Variants in NCAM2 observed in about 807,000 individuals in gnomAD.
NCAM2 encodes the protein neural cell adhesion molecule 2.
NCAM2 carries 30 observed loss-of-function variants against 98.1 expected under a neutral mutation model. That is an observed-to-expected ratio of 0.31 (90% CI 0.23 to 0.41). NCAM2 has a LOEUF of 0.41. Ranked by LOEUF, NCAM2 falls within the 10% of genes least tolerant of loss-of-function variation. The probability of loss-of-function intolerance (pLI) is 1.00; values close to 1 mark genes in which losing one functional copy is unlikely to be tolerated. For missense variants in NCAM2, 867 were observed against 1,005.8 expected (o/e 0.86, Z 1.87); for synonymous variants, 368 against 342.4 (o/e 1.07, Z -0.83).
chr21:21,371,557 A>T (rs893222178), intron 8 of NCAM2, among the ~76,000 whole-genome samples: 1 of 151,608 alleles, frequency 6.6e-6, no homozygotes, highest in African/African-American at 2.4e-5. Context: ...TGCTTCTCTC[A>T]TATCTTTCTT....
chr21:21,486,122 T>C (rs1247910589), intron 15 of NCAM2, among the ~76,000 whole-genome samples: 1 of 151,728 alleles, frequency 6.6e-6, no homozygotes, highest in East Asian at 2.0e-4. Context: ...GCTAACACGG[T>C]AAAACCCCGT....
intron 1 of NCAM2, among the ~76,000 whole-genome samples, chr21:21,243,486 A>C (rs1601745381): frequency 6.6e-6 from 1 of 152,160 alleles, no homozygotes; most frequent in Admixed American, 6.6e-5. Context: ...TGGGCTAACC[A>C]GTTGATGAAA....
intron 1 of NCAM2, among the ~76,000 whole-genome samples, chr21:21,195,175 TG>T (rs1341887850): frequency 6.6e-6 from 1 of 152,192 alleles, no homozygotes; most frequent in African/African-American, 2.4e-5. Flanking sequence ...TGCTATATTT[TG>T]GTAGGAAACA....
In NCAM2 at chr21:21,540,441, C is replaced by A. The variant is rs1414645055; in HGVS notation, c.*2484C>A. On this transcript the variant is annotated 3_prime_UTR_variant, in exon 18 of 18. Transcript: ENST00000400546. ...GGTCCTTACCTCTTGTCCTTGAAAT[C>A]CATGCCATGCTGAAGCAAGGCAATA... 1 of 151,760 alleles carries A rather than the reference C, an allele frequency of 6.6e-6. No individual in the cohort carries two copies. The highest frequency in any genetic ancestry group is 1.9e-4 in the East Asian group (1 of 5,182). 9.4% of individuals were successfully genotyped at this position (151,760 alleles called of 1,614,324 possible). A position where few individuals can be genotyped will look rare whatever the true frequency, so the allele number is the denominator to read the frequency against.
At chr21:21,497,881 CT>C (rs1189804459) in intron 15 of NCAM2, among the ~76,000 whole-genome samples, 1 of 151,856 alleles carries the variant, frequency 6.6e-6, no homozygotes, top group Non-Finnish European at 1.5e-5. Flanking sequence ...AAGCATTAGC[CT>C]TTTTTTATTT....
chr21:21,331,538 C>CTATATATA (rs1568942351), intron 6 of NCAM2, among the ~76,000 whole-genome samples: 43 of 1,514 alleles, frequency 0.028, 18 homozygotes, highest in Non-Finnish European at 0.084. Flanking sequence ...TATATATACT[C>CTATATATA]TATATACATA....
At position 21,426,884 on chromosome 21, in the gene NCAM2, C is replaced by T. The variant is rs902683521; in HGVS notation, c.1481-5224C>T. On this transcript the variant is annotated intron_variant, in intron 11 of 17. Transcript: ENST00000400546. ...TTAGCCTGCAATTTCTTATGATAAA[C>T]AGGAGTGTCTTAAATCGTATAATTT... 1.4e-4 allele frequency among the ~76,000 whole-genome samples: 21 copies of T among 152,166 alleles called. 2 individuals carry two copies. The highest frequency in any genetic ancestry group is 1.3e-3 in the Admixed American group (20 of 15,272).
At chr21:21,111,533 C>T (rs2066453930) in intron 1 of NCAM2, among the ~76,000 whole-genome samples, 1 of 152,048 alleles carries the variant, frequency 6.6e-6, no homozygotes, top group South Asian at 2.1e-4. Context: ...AAGCCGAATG[C>T]AGGCAGTGCA....
intron 15 of NCAM2, among the ~76,000 whole-genome samples, chr21:21,507,233 G>T (rs1988037972): frequency 6.6e-6 from 1 of 152,064 alleles, no homozygotes; most frequent in African/African-American, 2.4e-5. Flanking sequence ...CAGTTGTTCT[G>T]ATTCCTTTGG....
At chr21:21,330,695 C>G (rs1258614663) in intron 6 of NCAM2, among the ~76,000 whole-genome samples, 1 of 151,692 alleles carries the variant, frequency 6.6e-6, no homozygotes, top group Non-Finnish European at 1.5e-5. Flanking sequence ...TCAGTTCTCT[C>G]TGTTTTGCTT....
intron 8 of NCAM2, among the ~76,000 whole-genome samples, chr21:21,354,442 G>T (rs2075418075): frequency 6.6e-6 from 1 of 152,022 alleles, no homozygotes; most frequent in African/African-American, 2.4e-5. Context: ...GTACCCAAAT[G>T]ATCAGTGAAA....
chr21:21,421,100 C>T (rs1303964887), intron 11 of NCAM2, among the ~76,000 whole-genome samples: 6 of 151,438 alleles, frequency 4.0e-5, no homozygotes, highest in Non-Finnish European at 7.4e-5. Context: ...ATGTGTTTTT[C>T]GATTAGGTAC....
chr21:21,455,617 AT>A (rs573556564), intron 12 of NCAM2, among the ~76,000 whole-genome samples: 1 of 152,204 alleles, frequency 6.6e-6, no homozygotes, highest in Non-Finnish European at 1.5e-5. Context: ...CATTAGAAAA[AT>A]ATAATGCAAT....
intron 1 of NCAM2, among the ~76,000 whole-genome samples, chr21:21,099,181 A>G (rs899222671): frequency 6.6e-6 from 1 of 151,896 alleles, no homozygotes; most frequent in Non-Finnish European, 1.5e-5. Context: ...AGGATCAATA[A>G]TCAGTTTTAG....
Position 21,542,022 on chromosome 21 carries a change from A to G in NCAM2, c.*4065A>G, listed in dbSNP as rs757275529. On this transcript the variant is annotated 3_prime_UTR_variant, in exon 18 of 18. Transcript: ENST00000400546. The stretch of plus-strand genomic sequence containing the variant: ...TGAAATTGCATATGGATGTATCAAC[A>G]TAGGCTAAAATTAAATTATGGATGT... 1 of 151,952 alleles carries G rather than the reference A, an allele frequency of 6.6e-6. No homozygotes were observed. The highest frequency in any genetic ancestry group is 1.5e-5 in the Non-Finnish European group (1 of 67,848). 9.4% of individuals were successfully genotyped at this position (151,952 alleles called of 1,614,324 possible). A position where few individuals can be genotyped will look rare whatever the true frequency, so the allele number is the denominator to read the frequency against.
intron 1 of NCAM2, among the ~76,000 whole-genome samples, chr21:21,056,490 C>CTGTGTG (rs10685980): frequency 0.4 from 55,610 of 138,066 alleles, 11,202 homozygotes; most frequent in East Asian, 0.56. Flanking sequence ...AGAGATATGT[C>CTGTGTG]TGTGTGTGTG....
intron 12 of NCAM2, among the ~76,000 whole-genome samples, chr21:21,435,378 G>A (rs765127585): frequency 1.3e-5 from 2 of 152,042 alleles, no homozygotes; most frequent in African/African-American, 2.4e-5. Context: ...CAATTCAGTG[G>A]GTTCTGTTCA....
At chr21:21,387,664 A>AT (rs2076298932) in intron 9 of NCAM2, among the ~76,000 whole-genome samples, 1 of 152,194 alleles carries the variant, frequency 6.6e-6, no homozygotes, top group Non-Finnish European at 1.5e-5. Flanking sequence ...TGAAAGAGAC[A>AT]TATCTATGAA....
chr21:21,152,579 A>G (rs1307212944), intron 1 of NCAM2, among the ~76,000 whole-genome samples: 1 of 151,950 alleles, frequency 6.6e-6, no homozygotes, highest in Non-Finnish European at 1.5e-5. Context: ...GCCCTGTTTT[A>G]AAGTATTTTA....
Sources: allele counts gnomAD v4.1 joint callset (sites outside exome capture counted in the v4.1 genomes callset), GRCh38; gene constraint gnomAD v4.1.1; transcripts MANE v1.5; gene names NCBI Gene and HGNC (gene_info 2026-07-23, HGNC 2026-07-21).